LPCAT2: variants seen among roughly 807,000 people sequenced by gnomAD.
LPCAT2 encodes the protein lysophosphatidylcholine acyltransferase 2, also known as 1-AGP acyltransferase 11.
A neutral mutation model predicts 64.7 loss-of-function variants in LPCAT2; 58 were observed. That is an observed-to-expected ratio of 0.90 (90% confidence interval 0.73 to 1.12). The LOEUF is 1.12. LPCAT2 is among the 50% of genes most tolerant of loss of function. The pLI, the probability that LPCAT2 is intolerant of heterozygous loss-of-function variation, is 0.00. For missense variants in LPCAT2, 579 were observed against 669.8 expected (o/e 0.86, Z 1.50); for synonymous variants, 252 against 245.3 (o/e 1.03, Z -0.26).
chr16:55,559,803 G>A (rs1454818806), intron 11 of LPCAT2, among the ~76,000 whole-genome samples: 29 of 147,642 alleles, frequency 2.0e-4, no homozygotes, highest in Admixed American at 2.0e-3. Context: ...CTTTCTGAGT[G>A]TGACACATAA....
rs1424623548 is a variant in LPCAT2 at position 55,586,401 on chromosome 16, A to G, written c.*3303A>G. 2 of 152,114 alleles carry G rather than the reference A, an allele frequency of 1.3e-5. No individual in the cohort carries two copies. The highest frequency in any genetic ancestry group is 4.8e-5 in the African/African-American group (2 of 41,436). 9.4% of individuals were successfully genotyped at this position (152,114 alleles called of 1,614,324 possible). On this transcript the variant is annotated 3_prime_UTR_variant, in exon 14 of 14. Coordinates refer to ENST00000262134, the MANE Select transcript of LPCAT2 (RefSeq NM_017839.5). ...AACCTTATTATTTTCTTATTATTTTAAAAGAATCTATGCACATTAGCAAAA... is the reference window on the plus strand; with the variant it reads ...AACCTTATTATTTTCTTATTATTTTGAAAGAATCTATGCACATTAGCAAAA...
chr16:55,514,028 C>T (rs1962972018), intron 1 of LPCAT2, among the ~76,000 whole-genome samples: 1 of 152,072 alleles, frequency 6.6e-6, no homozygotes, highest in Admixed American at 6.5e-5. Context: ...CATAGGGAGA[C>T]TGCTTCTTAA....
chr16:55,559,959 C>T (rs1052715548), intron 11 of LPCAT2, among the ~76,000 whole-genome samples: 7 of 152,018 alleles, frequency 4.6e-5, no homozygotes, highest in Non-Finnish European at 4.4e-5. Flanking sequence ...ACTAAAATGT[C>T]CATTTAGACA....
intron 13 of LPCAT2, among the ~76,000 whole-genome samples, chr16:55,581,106 A>G (rs2142427261): frequency 6.6e-6 from 1 of 152,326 alleles, no homozygotes; most frequent in African/African-American, 2.4e-5. Flanking sequence ...GACTTCCAGC[A>G]ATGAGTTACT....
Position 55,525,511 on chromosome 16 carries a change from G to A in LPCAT2, c.175G>A (p.Val59Ile), listed in dbSNP as rs1204171107. Residue 59 changes from valine (V) to isoleucine (I), a missense_variant, in exon 2 of 14, where the codon GTC (valine) becomes ATC (isoleucine). Val to Ile is a conservative substitution (Grantham distance 29). Transcript: ENST00000262134. The stretch of plus-strand genomic sequence containing the variant: ...TTTTACCAACTTTGACTTTCAGATT[G>A]TCCTTCTTGGGATTATCTTGCTTCC... ...QIGSARRVQI[V>I]LLGIILLPIR... The A allele has an allele frequency of 1.2e-6, 2 of 1,601,406 alleles. No homozygotes were observed. Among genetic ancestry groups the A allele is most frequent in the Non-Finnish European group, 1.7e-6 (2 of 1,175,300 alleles).
intron 1 of LPCAT2, among the ~76,000 whole-genome samples, chr16:55,518,015 C>A (rs1255491811): frequency 6.6e-5 from 10 of 152,148 alleles, no homozygotes; most frequent in African/African-American, 2.4e-4. Flanking sequence ...GTAAAACCAT[C>A]AAGATGGCAT....
chr16:55,531,770 G>C, intron 4 of LPCAT2, 144 bp from the exon 5 acceptor site: 1 of 608,224 alleles, frequency 1.6e-6, no homozygotes, highest in Non-Finnish European at 3.0e-6. Context: ...TCTGATAGTA[G>C]CTTTCATTAG....
intron 11 of LPCAT2, among the ~76,000 whole-genome samples, chr16:55,569,299 T>C (rs1269413401): frequency 6.6e-6 from 1 of 152,166 alleles, no homozygotes. Context: ...AAGGGACTTG[T>C]AATTTAACCT....
chr16:55,539,075 C>A (rs1194223000), intron 8 of LPCAT2: 2 of 152,068 alleles, frequency 1.3e-5, no homozygotes, highest in African/African-American at 4.8e-5. Context: ...CTCAATGTAC[C>A]CCTCTGTAGC....
rs181168891 is a variant in LPCAT2, at chr16:55,509,674, A to T, written c.171+322A>T. On this transcript the variant is annotated intron_variant, in intron 1 of 13. Coordinates refer to ENST00000262134, the MANE Select transcript of LPCAT2 (RefSeq NM_017839.5). ...GTCTGGGAAGCAAAGGCATCAGAGGAAGAAAGAGCAGTGGATCTGAGAGGA... is the reference window on the plus strand; with the variant it reads ...GTCTGGGAAGCAAAGGCATCAGAGGTAGAAAGAGCAGTGGATCTGAGAGGA... 1.9e-4 allele frequency among the ~76,000 whole-genome samples: 29 copies of T among 152,088 alleles called. No individual in the cohort carries two copies. In the East Asian group the frequency reaches 5.5e-3, roughly 29 times the overall value.
intron 8 of LPCAT2, 59 bp downstream of exon 8, chr16:55,537,691 A>G: frequency 6.9e-7 from 1 of 1,448,146 alleles, no homozygotes; most frequent in Non-Finnish European, 9.7e-7. Context: ...TTAATTTTGA[A>G]CCTCTAGTCT....
chr16:55,562,796 A>G (rs1290400201), intron 11 of LPCAT2, among the ~76,000 whole-genome samples: 1 of 151,894 alleles, frequency 6.6e-6, no homozygotes, highest in Non-Finnish European at 1.5e-5. Context: ...AATGCTAAGT[A>G]ATATAATGAC....
At chr16:55,575,049 C>T (rs988263717) in intron 12 of LPCAT2, among the ~76,000 whole-genome samples, 17 of 152,070 alleles carry the variant, frequency 1.1e-4, no homozygotes, top group Non-Finnish European at 1.9e-4. Flanking sequence ...TAAATAAACA[C>T]CACCTGTCAC....
rs1245766058 is a variant in LPCAT2, at chr16:55,541,827, G to A, written c.853-3908G>A. The A allele has an allele frequency of 3.1e-6, 4 of 1,280,826 alleles. No homozygotes were observed. The African/African-American group carries it at 6.1e-5, about 20-fold the overall frequency. 79.3% of individuals were successfully genotyped at this position (1,280,826 alleles called of 1,614,324 possible). ...CAATAAGCACTAACTTTTACTTTCT[G>A]TCTCATCTAGATGTTTCTGTTCTTT... On this transcript the variant is annotated intron_variant, in intron 8 of 13. Coordinates refer to ENST00000262134, the MANE Select transcript of LPCAT2 (RefSeq NM_017839.5).
chr16:55,555,908 G>A (rs559769656), intron 11 of LPCAT2, among the ~76,000 whole-genome samples: 9 of 152,218 alleles, frequency 5.9e-5, no homozygotes, highest in East Asian at 3.9e-4. Context: ...TGTGCCTCCC[G>A]GGTCCAAGTG....
intron 6 of LPCAT2, 85 bp downstream of exon 6, chr16:55,532,967 G>T: frequency 9.0e-7 from 1 of 1,106,350 alleles, no homozygotes; most frequent in Non-Finnish European, 1.3e-6. Flanking sequence ...ATATAAATAA[G>T]GTTGTGAACA....
At chr16:55,526,169 G>T (rs1370292) in intron 2 of LPCAT2, 81,047 of 151,926 alleles carry the variant, frequency 0.53, 21,789 homozygotes, top group Admixed American at 0.56. Context: ...AGTACAGTCT[G>T]GTTATTTTAA....
At chr16:55,523,100 TAAGA>T (rs1291509221) in intron 1 of LPCAT2, among the ~76,000 whole-genome samples, 4 of 151,492 alleles carry the variant, frequency 2.6e-5, no homozygotes, top group Non-Finnish European at 5.9e-5. Flanking sequence ...TGCAAATTGA[TAAGA>T]AAAAGACTAA....
chr16:55,522,380 A>G (rs1041728380), intron 1 of LPCAT2, among the ~76,000 whole-genome samples: 4 of 151,746 alleles, frequency 2.6e-5, no homozygotes, highest in Admixed American at 1.3e-4. Flanking sequence ...GGAAGAATCA[A>G]TATTATTAGG....
Sources: allele counts gnomAD v4.1 joint callset (sites outside exome capture counted in the v4.1 genomes callset), GRCh38; gene constraint gnomAD v4.1.1; transcripts MANE v1.5; gene names NCBI Gene and HGNC (gene_info 2026-07-23, HGNC 2026-07-21).